The following DNAH6 variants were observed in gnomAD, a reference collection of about 807,000 sequenced individuals.
The protein encoded by DNAH6 is dynein axonemal heavy chain 6.
In DNAH6, 340 loss-of-function variants were observed where a neutral mutation model predicts 491.4. That is an observed-to-expected ratio of 0.69 (90% confidence interval 0.63 to 0.76). The LOEUF is 0.76. DNAH6 is among the 30% of genes least tolerant of loss of function. The probability of loss-of-function intolerance (pLI) is 0.00; values close to 1 mark genes in which losing one functional copy is unlikely to be tolerated. For synonymous variants in DNAH6, 1,603 were observed against 1,686.1 expected, an observed-to-expected ratio of 0.95 and a Z score of 1.21; for missense variants, 4,443 against 4,972.2, an observed-to-expected ratio of 0.89 and a Z score of 3.20.
At chr2:84,691,991 T>A (rs1694906309) in intron 45 of DNAH6, among the ~76,000 whole-genome samples, 1 of 152,210 alleles carries the variant, frequency 6.6e-6, no homozygotes, top group South Asian at 2.1e-4. Context: ...AGGAAACAAA[T>A]TTCAAAGTTT....
Position 84,547,278 on chromosome 2 carries a change from C to A in DNAH6, c.941C>A (p.Pro314Gln). 1 of 1,537,932 alleles carries A rather than the reference C, an allele frequency of 6.5e-7. No homozygotes were observed. Among genetic ancestry groups the A allele is most frequent in the Non-Finnish European group, 8.8e-7 (1 of 1,141,364 alleles). Residue 314 changes from proline to glutamine, a missense_variant, in exon 6 of 77, where the codon CCA becomes CAA. Transcript: ENST00000389394. Reference protein sequence around the residue: ...NLFIVNPHLRPALLKINELCY... With the variant: ...NLFIVNPHLRQALLKINELCY... ...CCTATTTTCATTCAGCATTTGCGAC[C>A]AGCTCTTCTTAAAATAAATGAATTG...
rs1680101988 is a variant in DNAH6, at chr2:84,812,652, A to C, written c.11925+126A>C. ...ATAATCTGAGCCCAGAGAAAAAGAG[A>C]TGTCCAGAATGGCATCACTTTAAAA... is the stretch of plus-strand genomic sequence containing the variant. On this transcript the variant is annotated intron_variant, in intron 73 of 76. Transcript: ENST00000389394. 8 of 805,100 alleles carry C rather than the reference A, an allele frequency of 9.9e-6. No individual in the cohort carries two copies. In the Admixed American group the frequency reaches 2.0e-4, roughly 21 times the overall value. 49.9% of individuals were successfully genotyped at this position (805,100 alleles called of 1,614,324 possible).
rs561252013 is a variant in DNAH6, at chr2:84,541,523, G to T, written c.663-2710G>T. 7.9e-5 allele frequency among the ~76,000 whole-genome samples: 12 copies of T among 152,338 alleles called. No individual in the cohort carries two copies. The South Asian group carries it at 2.5e-3, about 32-fold the overall frequency. Reference sequence around the variant, plus strand: ...CCATTATAAAGGAAACTTAAAAGAAGAAGAAAAGTGTGGGATTTTAGTTAA... The same window carrying T: ...CCATTATAAAGGAAACTTAAAAGAATAAGAAAAGTGTGGGATTTTAGTTAA... On this transcript the variant is annotated intron_variant, in intron 4 of 76. Transcript: ENST00000389394.
At chr2:84,564,414 G>A (rs1371319137) in intron 11 of DNAH6, among the ~76,000 whole-genome samples, 1 of 152,046 alleles carries the variant, frequency 6.6e-6, no homozygotes, top group Non-Finnish European at 1.5e-5. Flanking sequence ...TGGTTTGGCT[G>A]TATTCCTGGG....
intron 63 of DNAH6, among the ~76,000 whole-genome samples, chr2:84,751,513 TAGTA>T (rs1208244912): frequency 5.3e-5 from 8 of 152,334 alleles, no homozygotes; most frequent in African/African-American, 1.4e-4. Context: ...CAAAAACTCT[TAGTA>T]AGCCCCATGG....
chr2:84,620,637 T>C (rs1573249067), intron 24 of DNAH6, among the ~76,000 whole-genome samples: 1 of 152,192 alleles, frequency 6.6e-6, no homozygotes, highest in African/African-American at 2.4e-5. Context: ...TGGGAACATA[T>C]AAACATTTTA....
chr2:84,595,003 GGATTTTCT>G (rs1684440896), intron 17 of DNAH6, among the ~76,000 whole-genome samples: 1 of 152,150 alleles, frequency 6.6e-6, no homozygotes, highest in Non-Finnish European at 1.5e-5. Flanking sequence ...GCAGCTTAAA[GGATTTTCT>G]GATTACCACC....
chr2:84,607,691 A>G (rs1191750718), intron 21 of DNAH6, among the ~76,000 whole-genome samples: 2 of 152,320 alleles, frequency 1.3e-5, no homozygotes, highest in Non-Finnish European at 2.9e-5. Flanking sequence ...TAGTCCATTA[A>G]GTGTGCAATA....
Position 84,701,095 on chromosome 2 carries a change from A to T in DNAH6, c.7819-2A>T. 1.3e-6 allele frequency: 2 copies of T among 1,548,124 alleles called. No individual in the cohort carries two copies. Among genetic ancestry groups the T allele is most frequent in the East Asian group, 2.5e-5 (1 of 40,806 alleles). ...TTTTCTAGATTTTTCCTTGATTCAC[A>T]GTGGCCCAGAGAAGCACTTCTTTCT... On this transcript the variant is annotated splice_acceptor_variant, in intron 48 of 76. Coordinates refer to ENST00000389394, the MANE Select transcript of DNAH6 (RefSeq NM_001370.2). LOFTEE classifies it high-confidence loss of function.
intron 63 of DNAH6, among the ~76,000 whole-genome samples, chr2:84,756,675 T>C (rs896335746): frequency 2.0e-5 from 3 of 152,240 alleles, no homozygotes; most frequent in Non-Finnish European, 4.4e-5. Flanking sequence ...CACAGAACCA[T>C]GCCCTTTCTC....
intron 46 of DNAH6, among the ~76,000 whole-genome samples, chr2:84,695,223 A>G (rs1373941330): frequency 6.6e-6 from 1 of 152,178 alleles, no homozygotes; most frequent in African/African-American, 2.4e-5. Flanking sequence ...ATGTGAATAC[A>G]CAGTTCCAGA....
At chr2:84,494,739 A>G in the DNAH6 span, among the ~76,000 whole-genome samples, 10 of 152,244 alleles carry the variant, frequency 6.6e-5, no homozygotes, top group Admixed American at 5.2e-4. Context: ...GTGATCAAAG[A>G]TGAGAAACTC....
chr2:84,516,179 G>GA (rs2104389649), upstream of DNAH6, among the ~76,000 whole-genome samples: 1 of 152,312 alleles, frequency 6.6e-6, no homozygotes, highest in East Asian at 1.9e-4. Context: ...AAACAGAAAA[G>GA]AAATTCCTGT....
At chr2:84,772,111 A>G (rs1675683961) in intron 64 of DNAH6, among the ~76,000 whole-genome samples, 1 of 152,186 alleles carries the variant, frequency 6.6e-6, no homozygotes, top group Non-Finnish European at 1.5e-5. Context: ...TTTTTATACA[A>G]CTGAAACTAA....
rs1698767820 is a variant in DNAH6, at chr2:84,727,691, C to A, written c.9995C>A (p.Thr3332Asn). 6.5e-7 allele frequency: 1 copy of A among 1,549,654 alleles called. No homozygotes were observed. The highest frequency in any genetic ancestry group is 1.2e-5 in the South Asian group (1 of 84,018). ...CAGTTGTTCAATACCACCATTGAAA[C>A]TTCTGTAAAGACAGAAAATCTACAA... The part of the protein sequence containing the change: ...FKQLFNTTIE[T>N]SVKTENLQQR... The change falls in exon 61 of 77, where the codon ACT becomes AAT. Residue 3332 changes from threonine to asparagine, a missense_variant. Coordinates refer to ENST00000389394, the MANE Select transcript of DNAH6 (RefSeq NM_001370.2).
Position 84,624,387 on chromosome 2 carries a change from C to A in DNAH6, c.4194C>A (p.Ser1398=). The change falls in exon 27 of 77, where the codon TCC becomes TCA. Residue 1398 remains serine (S), a synonymous_variant. Coordinates refer to ENST00000389394, the MANE Select transcript of DNAH6 (RefSeq NM_001370.2). The part of the protein sequence containing the change: ...ARDIVTELVQ[S]KVETVESFDW... The stretch of plus-strand genomic sequence containing the variant: ...ATATAGTCACTGAACTTGTTCAATC[C>A]AAGGTAACTGTTTCATTTAAGTAAA... 1 of 1,550,074 alleles carries A rather than the reference C, an allele frequency of 6.5e-7. No homozygotes were observed. Among genetic ancestry groups the A allele is most frequent in the Non-Finnish European group, 8.7e-7 (1 of 1,146,400 alleles).
At chr2:84,710,163 GTTTATATATTTCAAATT>G in intron 55 of DNAH6, 107 bp from the exon 56 acceptor site, 2 of 1,293,316 alleles carry the variant, frequency 1.5e-6, no homozygotes, top group Non-Finnish European at 2.1e-6. Context: ...GGGGAGTACA[GTTTATATATTTCAAATT>G]TGTTTCTAGA....
the DNAH6 span, among the ~76,000 whole-genome samples, chr2:84,466,116 C>T: frequency 2.0e-5 from 3 of 152,184 alleles, no homozygotes; most frequent in Non-Finnish European, 4.4e-5. Context: ...ACCTGGGGCT[C>T]CTGGACCTGT....
intron 5 of DNAH6, among the ~76,000 whole-genome samples, chr2:84,545,539 G>C (rs779591272): frequency 7.9e-5 from 12 of 152,028 alleles, no homozygotes; most frequent in Non-Finnish European, 1.6e-4. Flanking sequence ...ATCAGTCCTC[G>C]AGGCATGTTC....
Sources: gnomAD v4.1 joint callset for allele counts (sites outside exome capture counted in the v4.1 genomes callset) on GRCh38, gnomAD v4.1.1 for gene constraint, MANE v1.5 for transcripts, NCBI Gene and HGNC (gene_info 2026-07-23, HGNC 2026-07-21) for gene names.